PPP3R1: variants seen among roughly 807,000 people sequenced by gnomAD.
PPP3R1 encodes the protein protein phosphatase 3 regulatory subunit B, alpha.
Under a neutral mutation model 22.6 loss-of-function variants are expected in PPP3R1, and 5 were observed. That is an observed-to-expected ratio of 0.22 (90% confidence interval 0.12 to 0.46). The LOEUF (loss-of-function observed/expected upper bound fraction) is 0.46. PPP3R1 is among the 20% of genes least tolerant of loss of function. PPP3R1 has a pLI of 0.99. For missense variants in PPP3R1, 61 were observed against 203.2 expected (o/e 0.30, Z 4.25); for synonymous variants, 56 against 65.2 (o/e 0.86, Z 0.68).
At chr2:68,252,013 G>A (rs1670373600) in intron 1 of PPP3R1, 112 bp downstream of exon 1, 1 of 1,129,638 alleles carries the variant, frequency 8.9e-7, no homozygotes, top group Non-Finnish European at 1.1e-6. Context: ...CCGGGTCTCT[G>A]GAATTTTCCA....
intron 2 of PPP3R1, among the ~76,000 whole-genome samples, chr2:68,200,456 GAATT>G (rs1417262561): frequency 6.6e-6 from 1 of 152,144 alleles, no homozygotes; most frequent in East Asian, 1.9e-4. Flanking sequence ...TACATTCTTA[GAATT>G]ATTTTCAGTG....
intron 1 of PPP3R1, among the ~76,000 whole-genome samples, chr2:68,224,979 A>G (rs1169193994): frequency 6.6e-6 from 1 of 152,276 alleles, no homozygotes; most frequent in Non-Finnish European, 1.5e-5. Context: ...AGTTAAAACC[A>G]AAGTGAGATA....
At chr2:68,195,987 C>A (rs896297944) in intron 2 of PPP3R1, among the ~76,000 whole-genome samples, 9 of 151,698 alleles carry the variant, frequency 5.9e-5, no homozygotes, top group East Asian at 1.9e-4. Context: ...ATTCTCCAAT[C>A]TCTTTTGTAC....
intron 2 of PPP3R1, among the ~76,000 whole-genome samples, chr2:68,204,691 GTAAGCACCATACCAT>G: frequency 6.6e-6 from 1 of 152,194 alleles, no homozygotes; most frequent in East Asian, 1.9e-4. Context: ...CTGGGACATG[GTAAGCACCATACCAT>G]TATGGATTGT....
intron 2 of PPP3R1, among the ~76,000 whole-genome samples, chr2:68,189,641 G>A (rs1021006533): frequency 3.3e-5 from 5 of 152,176 alleles, no homozygotes; most frequent in Non-Finnish European, 1.5e-5. Context: ...GCCAATGTGG[G>A]CAGATTACTA....
At chr2:68,246,236 G>A (rs529205741) in intron 1 of PPP3R1, among the ~76,000 whole-genome samples, 20 of 151,496 alleles carry the variant, frequency 1.3e-4, no homozygotes, top group Non-Finnish European at 2.4e-4. Context: ...CACCAAACCC[G>A]GCTAATTTTT....
chr2:68,225,629 C>T lies in PPP3R1; in HGVS notation c.4-8498G>A, dbSNP rs538526317. On this transcript the variant is annotated intron_variant, in intron 1 of 5. Transcript: ENST00000234310. ...AGAACTATGAAATAATAAATGAGTG[C>T]TGTTTTAGACTACTATGTTTATGGG... is the stretch of plus-strand genomic sequence containing the variant. Among the ~76,000 whole-genome samples, 7 of 152,298 alleles carry T rather than the reference C, an allele frequency of 4.6e-5. 1 individual carries two copies. The South Asian group carries it at 1.2e-3, about 27-fold the overall frequency.
intron 1 of PPP3R1, among the ~76,000 whole-genome samples, chr2:68,217,697 A>T (rs1342871640): frequency 2.0e-5 from 3 of 152,116 alleles, no homozygotes; most frequent in Non-Finnish European, 4.4e-5. Context: ...CTTGAAAACC[A>T]TTTCAAATTT....
intron 1 of PPP3R1, among the ~76,000 whole-genome samples, chr2:68,236,525 G>A (rs1271327950): frequency 2.0e-5 from 3 of 152,134 alleles, no homozygotes; most frequent in Non-Finnish European, 2.9e-5. Flanking sequence ...AGAGGAAGTA[G>A]AATTTTGGTT....
At chr2:68,208,917 TA>T (rs1192259673) in intron 2 of PPP3R1, among the ~76,000 whole-genome samples, 28 of 73,476 alleles carry the variant, frequency 3.8e-4, no homozygotes, top group South Asian at 1.0e-3. Context: ...AGCAAGACTC[TA>T]AAAAAAAAAT....
At chr2:68,216,995 C>T in intron 2 of PPP3R1, 97 bp downstream of exon 2, 3 of 868,816 alleles carry the variant, frequency 3.5e-6, no homozygotes, top group East Asian at 5.5e-5. Flanking sequence ...AGTAAATATA[C>T]ATTACAGAGG....
At chr2:68,250,751 T>G (rs1459383156) in intron 1 of PPP3R1, among the ~76,000 whole-genome samples, 4 of 152,244 alleles carry the variant, frequency 2.6e-5, no homozygotes, top group Non-Finnish European at 5.9e-5. Context: ...CTGCTCTTAA[T>G]CTGGGTTTTA....
chr2:68,208,721 G>A (rs891104836), intron 2 of PPP3R1, among the ~76,000 whole-genome samples: 1 of 151,860 alleles, frequency 6.6e-6, no homozygotes, highest in Non-Finnish European at 1.5e-5. Context: ...GACTGTTTGA[G>A]GCCAGGAGTT....
rs953187398 is a variant in PPP3R1, at chr2:68,181,064, C to T, written c.466-54G>A. The T allele has an allele frequency of 2.7e-5, 41 of 1,523,642 alleles. 1 individual carries two copies. Among genetic ancestry groups the T allele is most frequent in the Admixed American group, 2.5e-4 (15 of 59,532 alleles). 94.4% of individuals were successfully genotyped at this position (1,523,642 alleles called of 1,614,324 possible). ...CACAGTGTCTGAGAAACTCCTCATT[C>T]GTGGTCTAACTACTTCATCAAATTT... On this transcript the variant is annotated intron_variant, in intron 5 of 5. Transcript: ENST00000234310.
At chr2:68,181,604 T>TC (rs888500112) in intron 5 of PPP3R1, among the ~76,000 whole-genome samples, 2 of 151,266 alleles carry the variant, frequency 1.3e-5, no homozygotes, top group Admixed American at 6.6e-5. Flanking sequence ...CTTTTTTTTT[T>TC]TTTTTCAAAA....
intron 2 of PPP3R1, among the ~76,000 whole-genome samples, chr2:68,189,399 G>T (rs1674614933): frequency 6.6e-6 from 1 of 152,142 alleles, no homozygotes; most frequent in South Asian, 2.1e-4. Flanking sequence ...ACATTAGTTT[G>T]TAAGTAATCC....
At chr2:68,249,585 T>C (rs1479030349) in intron 1 of PPP3R1, among the ~76,000 whole-genome samples, 1 of 152,068 alleles carries the variant, frequency 6.6e-6, no homozygotes, top group African/African-American at 2.4e-5. Flanking sequence ...AAAACATATA[T>C]AAAACACCTC....
At chr2:68,249,823 T>C (rs1015183685) in intron 1 of PPP3R1, among the ~76,000 whole-genome samples, 4 of 152,238 alleles carry the variant, frequency 2.6e-5, no homozygotes, top group Non-Finnish European at 4.4e-5. Flanking sequence ...ATAAGCCTTT[T>C]TACTTTCCAT....
intron 1 of PPP3R1, among the ~76,000 whole-genome samples, chr2:68,227,534 A>C (rs1457292079): frequency 6.6e-6 from 1 of 151,976 alleles, no homozygotes; most frequent in African/African-American, 2.4e-5. Flanking sequence ...GATAAAAACC[A>C]ATCATACCTA....
Sources: gnomAD v4.1 joint callset for allele counts (sites outside exome capture counted in the v4.1 genomes callset) on GRCh38, gnomAD v4.1.1 for gene constraint, MANE v1.5 for transcripts, NCBI Gene and HGNC (gene_info 2026-07-23, HGNC 2026-07-21) for gene names.